DUS2: variants seen among roughly 807,000 people sequenced by gnomAD.
DUS2 encodes the protein dihydrouridine synthase 2, also known as tRNA-dihydrouridine(20) synthase [NAD(P)+]-like.
A neutral mutation model predicts 71.3 loss-of-function variants in DUS2; 52 were observed. The ratio of observed to expected loss-of-function variants is 0.73; its 90% CI spans 0.58 to 0.92. The LOEUF is 0.92. Ranked by LOEUF, DUS2 falls within the 40% of genes least tolerant of loss-of-function variation. The probability of loss-of-function intolerance (pLI) is 0.00; values close to 1 mark genes in which losing one functional copy is unlikely to be tolerated. For synonymous variants in DUS2, 204 were observed against 227.8 expected, an observed-to-expected ratio of 0.90 and a Z score of 0.94; for missense variants, 558 against 622.6, an observed-to-expected ratio of 0.90 and a Z score of 1.10.
intron 3 of DUS2, 149 bp downstream of exon 3, chr16:68,038,298 A>G (rs2033564934): frequency 1.7e-6 from 2 of 1,165,698 alleles, no homozygotes; most frequent in Admixed American, 2.8e-5. Flanking sequence ...AACATGTGTG[A>G]CACTGATGAG....
intron 2 of DUS2, among the ~76,000 whole-genome samples, chr16:68,031,899 T>C (rs1389862630): frequency 6.6e-6 from 1 of 152,108 alleles, no homozygotes; most frequent in East Asian, 1.9e-4. Flanking sequence ...TTCATCATGT[T>C]GGCCAGGCTG....
chr16:68,045,625 AC>A (rs992171974), intron 3 of DUS2, among the ~76,000 whole-genome samples: 47 of 147,642 alleles, frequency 3.2e-4, no homozygotes, highest in South Asian at 1.0e-3. Flanking sequence ...AAAAAAAAAA[AC>A]ATCATCTGCA....
intron 2 of DUS2, among the ~76,000 whole-genome samples, chr16:68,029,412 A>T (rs1187847801): frequency 6.6e-6 from 1 of 151,788 alleles, no homozygotes; most frequent in African/African-American, 2.4e-5. Context: ...CAGTGTTAGG[A>T]TTACAGGTGT....
intron 2 of DUS2, among the ~76,000 whole-genome samples, chr16:68,036,873 AT>A (rs564820179): frequency 6.9e-6 from 1 of 145,838 alleles, no homozygotes; most frequent in Non-Finnish European, 1.5e-5. Context: ...TCTTTGCTCC[AT>A]TTTTTTTTTC....
intron 12 of DUS2, among the ~76,000 whole-genome samples, chr16:68,073,672 C>A (rs1221826227): frequency 6.6e-6 from 1 of 152,160 alleles, no homozygotes; most frequent in African/African-American, 2.4e-5. Flanking sequence ...TGGTCTTGAA[C>A]TCCTGACCTC....
rs1013596398 is a variant in DUS2 at position 68,026,649 on chromosome 16, CG to C, written c.-19+1158del. 5.4e-4 allele frequency among the ~76,000 whole-genome samples: 82 copies of C among 152,048 alleles called. 1 individual carries two copies. The highest frequency in any genetic ancestry group is 1.9e-3 in the African/African-American group (78 of 41,490). On this transcript the variant is annotated intron_variant, in intron 2 of 16. Transcript: ENST00000565263. ...ATCCCAGCACTTTGAGAGGCCAAGGCGGGCAGATCACGAGGTCAGGAGTTCA... is the reference window on the plus strand; with the variant it reads ...ATCCCAGCACTTTGAGAGGCCAAGGCGGCAGATCACGAGGTCAGGAGTTCA...
At position 68,062,718 on chromosome 16, in the gene DUS2, C is replaced by CAAAAA. The variant is rs552579994; in HGVS notation, c.417+1623_417+1627dup. 2.5e-3 allele frequency among the ~76,000 whole-genome samples: 121 copies of CAAAAA among 48,714 alleles called. 1 individual carries two copies. The highest frequency in any genetic ancestry group is 9.2e-3 in the African/African-American group (111 of 12,016). 32.0% of individuals were successfully genotyped at this position (48,714 alleles called of 152,430 possible). A position where few individuals can be genotyped will look rare whatever the true frequency, so the allele number is the denominator to read the frequency against. On this transcript the variant is annotated intron_variant, in intron 8 of 16. Transcript: ENST00000565263. Reference sequence around the variant, plus strand: ...TGGGCGACAGAGCAAGACTCCGTCTCAAAAAAAAAAAAAAAAAAAAAAGAT... The same window carrying CAAAAA: ...TGGGCGACAGAGCAAGACTCCGTCTCAAAAAAAAAAAAAAAAAAAAAAAAAAAGAT...
At chr16:68,061,603 G>A (rs1037137965) in intron 8 of DUS2, among the ~76,000 whole-genome samples, 1 of 152,214 alleles carries the variant, frequency 6.6e-6, no homozygotes, top group Non-Finnish European at 1.5e-5. Context: ...GGTCAGAGGA[G>A]GCAAGCTGAA....
chr16:68,045,461 A>G (rs1337210715), intron 3 of DUS2, among the ~76,000 whole-genome samples: 1 of 151,702 alleles, frequency 6.6e-6, no homozygotes, highest in Non-Finnish European at 1.5e-5. Context: ...AATACAAAAA[A>G]TTAGCTGGGC....
intron 14 of DUS2, among the ~76,000 whole-genome samples, chr16:68,076,355 A>C (rs1035784673): frequency 6.6e-6 from 1 of 152,108 alleles, no homozygotes; most frequent in Admixed American, 6.5e-5. Flanking sequence ...TTGTTTTTCC[A>C]GTCTGGACCT....
At chr16:68,046,732 G>GT (rs2151417573) in intron 3 of DUS2, among the ~76,000 whole-genome samples, 1 of 150,880 alleles carries the variant, frequency 6.6e-6, no homozygotes, top group South Asian at 2.1e-4. Flanking sequence ...CAGAAGTAAC[G>GT]TTTTCTCTCT....
intron 12 of DUS2, among the ~76,000 whole-genome samples, chr16:68,073,398 A>G (rs538376146): frequency 6.6e-6 from 1 of 150,886 alleles, no homozygotes; most frequent in Middle Eastern, 3.2e-3. Context: ...TAGCCTCCCT[A>G]GTAGCTATGG....
chr16:68,055,330 A>T (rs1000321413), intron 6 of DUS2, among the ~76,000 whole-genome samples: 1 of 151,848 alleles, frequency 6.6e-6, no homozygotes, highest in Non-Finnish European at 1.5e-5. Context: ...GGTGCATGCC[A>T]GTGGTCCCAA....
chr16:68,024,508 C>G (rs1043355094), intron 1 of DUS2, among the ~76,000 whole-genome samples: 1 of 152,022 alleles, frequency 6.6e-6, no homozygotes, highest in African/African-American at 2.4e-5. Flanking sequence ...CTGGGAGGTT[C>G]GTAACATCTG....
intron 2 of DUS2, among the ~76,000 whole-genome samples, chr16:68,029,176 G>A (rs2033401926): frequency 6.6e-6 from 1 of 151,786 alleles, no homozygotes; most frequent in Non-Finnish European, 1.5e-5. Flanking sequence ...CTGCACTCCA[G>A]CCTGGGCAAC....
intron 3 of DUS2, among the ~76,000 whole-genome samples, chr16:68,049,259 C>A (rs887830879): frequency 9.2e-5 from 14 of 152,124 alleles, no homozygotes; most frequent in Non-Finnish European, 1.5e-5. Context: ...CTAAGTGGTT[C>A]ATTCATTCTA....
chr16:68,048,944 C>A (rs564232386), intron 3 of DUS2, among the ~76,000 whole-genome samples: 149 of 152,082 alleles, frequency 9.8e-4, no homozygotes, highest in Non-Finnish European at 1.7e-3. Flanking sequence ...CTTTTTCTTT[C>A]TTTCCTTAGT....
chr16:68,066,711 C>T, intron 10 of DUS2, 75 bp downstream of exon 10: 1 of 1,461,750 alleles, frequency 6.8e-7, no homozygotes, highest in South Asian at 1.1e-5. Context: ...ATTGATCTGT[C>T]ACCCCAAGTG....
chr16:68,037,496 C>T lies in DUS2; in HGVS notation c.-18-510C>T, dbSNP rs145932264. On this transcript the variant is annotated intron_variant, in intron 2 of 16. Coordinates refer to ENST00000565263, the MANE Select transcript of DUS2 (RefSeq NM_017803.5). ...ACAATGGTGCCATGTTGTCTGACTG[C>T]AACCTCCGCCTCCCAGGTTCAAACA... is the stretch of plus-strand genomic sequence containing the variant. Among the ~76,000 whole-genome samples, 543 of 150,688 alleles carry T rather than the reference C, an allele frequency of 3.6e-3. 7 individuals are homozygous for T. Among genetic ancestry groups the T allele is most frequent in the African/African-American group, 0.012 (502 of 40,922 alleles).
Sources: allele counts gnomAD v4.1 joint callset (sites outside exome capture counted in the v4.1 genomes callset), GRCh38; gene constraint gnomAD v4.1.1; transcripts MANE v1.5; gene names NCBI Gene and HGNC (gene_info 2026-07-23, HGNC 2026-07-21).